Variants in MACROD2 observed in about 807,000 individuals in gnomAD.
MACROD2 encodes the protein mono-ADP ribosylhydrolase 2.
Under a neutral mutation model 70.4 loss-of-function variants are expected in MACROD2, and 36 were observed. The ratio of observed to expected loss-of-function variants is 0.51; its 90% CI spans 0.39 to 0.68. MACROD2 has a LOEUF of 0.68. Among genes scored for constraint, MACROD2 ranks in the 30% least tolerant of loss-of-function variants. The pLI, the probability that MACROD2 is intolerant of heterozygous loss-of-function variation, is 0.00. For missense variants in MACROD2, 496 were observed against 538.4 expected (o/e 0.92, Z 0.78); for synonymous variants, 172 against 178.8 (o/e 0.96, Z 0.30).
chr20:15,869,254 G>GAGAGAGAGAGAC (rs2064545815), intron 9 of MACROD2, among the ~76,000 whole-genome samples: 1 of 126,774 alleles, frequency 7.9e-6, no homozygotes, highest in Admixed American at 7.9e-5. Flanking sequence ...GAGAGAGAGA[G>GAGAGAGAGAGAC]AGAGAGAGAG....
intron 1 of MACROD2, 88 bp from the exon 2 acceptor site, chr20:14,002,200 G>T: frequency 1.3e-6 from 1 of 761,418 alleles, no homozygotes; most frequent in Non-Finnish European, 2.1e-6. Context: ...TCTTTTGTTA[G>T]CTTAACTTGG....
At chr20:15,116,777 T>C (rs774291384) in intron 5 of MACROD2, among the ~76,000 whole-genome samples, 3 of 152,206 alleles carry the variant, frequency 2.0e-5, no homozygotes, top group Admixed American at 6.5e-5. Context: ...ATTGAAAGTT[T>C]ATGTTATCCA....
At chr20:14,848,797 A>G (rs969070243) in intron 5 of MACROD2, among the ~76,000 whole-genome samples, 1 of 152,118 alleles carries the variant, frequency 6.6e-6, no homozygotes, top group African/African-American at 2.4e-5. Flanking sequence ...AGATTATATA[A>G]TCGGATTTTC....
intron 8 of MACROD2, among the ~76,000 whole-genome samples, chr20:15,852,559 C>T (rs115543753): frequency 0.018 from 2,680 of 152,234 alleles, 63 homozygotes; most frequent in African/African-American, 0.043. Flanking sequence ...TGCACAAGTG[C>T]GAACATGGCT....
At chr20:14,192,581 T>C (rs1184146274) in intron 3 of MACROD2, among the ~76,000 whole-genome samples, 2 of 152,158 alleles carry the variant, frequency 1.3e-5, no homozygotes, top group Non-Finnish European at 2.9e-5. Flanking sequence ...TTAGGGACTT[T>C]GGCCATCTTC....
intron 5 of MACROD2, among the ~76,000 whole-genome samples, chr20:14,810,051 C>A (rs548890839): frequency 3.0e-4 from 46 of 152,108 alleles, no homozygotes; most frequent in Non-Finnish European, 5.7e-4. Context: ...CTATTCCAAA[C>A]AATAGAAAAA....
At position 15,679,278 on chromosome 20, in the gene MACROD2, G is replaced by A. The variant is rs532457798; in HGVS notation, c.645+179431G>A. On this transcript the variant is annotated intron_variant, in intron 8 of 17. Coordinates refer to ENST00000684519, the MANE Select transcript of MACROD2 (RefSeq NM_001351661.2). Reference sequence around the variant, plus strand: ...AGAGATGCACAGAATCAGCTCAGACGAACTGGCTTCCACATGCCACTGAGC... The same window carrying A: ...AGAGATGCACAGAATCAGCTCAGACAAACTGGCTTCCACATGCCACTGAGC... Among the ~76,000 whole-genome samples, 173 of 151,112 alleles carry A rather than the reference G, an allele frequency of 1.1e-3. 1 individual carries two copies. Among genetic ancestry groups the A allele is most frequent in the African/African-American group, 3.5e-3 (145 of 41,122 alleles).
At chr20:15,983,980 AT>A (rs1266679163) in intron 13 of MACROD2, among the ~76,000 whole-genome samples, 1 of 152,148 alleles carries the variant, frequency 6.6e-6, no homozygotes, top group African/African-American at 2.4e-5. Context: ...TGTTTCTTGT[AT>A]GATTTTTATA....
intron 12 of MACROD2, among the ~76,000 whole-genome samples, chr20:15,958,638 T>G (rs1369250270): frequency 1.3e-5 from 2 of 151,814 alleles, no homozygotes; most frequent in Non-Finnish European, 1.5e-5. Flanking sequence ...AGTATCCATG[T>G]GCACAAATGC....
rs185820492 is a variant in MACROD2, at chr20:15,014,481, C to T, written c.419-215459C>T. ...ATGAAATGATTAAAAACAAACATCA[C>T]GTGCACTATACGTTGGAGATGCTTT... On this transcript the variant is annotated intron_variant, in intron 5 of 17. Coordinates refer to ENST00000684519, the MANE Select transcript of MACROD2 (RefSeq NM_001351661.2). 4.6e-5 allele frequency among the ~76,000 whole-genome samples: 7 copies of T among 152,246 alleles called. No homozygotes were observed. The East Asian group carries it at 7.7e-4, about 17-fold the overall frequency.
intron 13 of MACROD2, among the ~76,000 whole-genome samples, chr20:15,971,038 C>T (rs2066222759): frequency 6.6e-6 from 1 of 152,052 alleles, no homozygotes; most frequent in East Asian, 1.9e-4. Context: ...ATATCTCATA[C>T]CCAACAAAGT....
intron 10 of MACROD2, among the ~76,000 whole-genome samples, chr20:15,926,935 G>A (rs1346433347): frequency 6.6e-6 from 1 of 152,180 alleles, no homozygotes; most frequent in Non-Finnish European, 1.5e-5. Flanking sequence ...GAGAAGAGGT[G>A]TTGAGAACAA....
At chr20:15,534,736 G>T (rs2047850824) in intron 8 of MACROD2, among the ~76,000 whole-genome samples, 1 of 152,094 alleles carries the variant, frequency 6.6e-6, no homozygotes, top group South Asian at 2.1e-4. Context: ...TGCCAGACCT[G>T]GCTGCAAGGT....
chr20:15,558,477 A>G (rs6110677), intron 8 of MACROD2, among the ~76,000 whole-genome samples: 12,721 of 152,312 alleles, frequency 0.084, 707 homozygotes, highest in East Asian at 0.21. Flanking sequence ...TTTGTCCCAC[A>G]CTGGCCTGCA....
At chr20:15,241,623 A>C (rs1183879517) in intron 6 of MACROD2, among the ~76,000 whole-genome samples, 3 of 152,114 alleles carry the variant, frequency 2.0e-5, no homozygotes, top group Non-Finnish European at 2.9e-5. Context: ...AGTATGGTGA[A>C]TCAATCAGGA....
rs1459244315 is a variant in MACROD2 at position 15,357,709 on chromosome 20, A to G, written c.541-73696A>G. Among the ~76,000 whole-genome samples the G allele has an allele frequency of 2.6e-5, 4 of 152,160 alleles. No individual in the cohort carries two copies. In the East Asian group the frequency reaches 7.7e-4, roughly 29 times the overall value. On this transcript the variant is annotated intron_variant, in intron 6 of 17. Transcript: ENST00000684519. ...TTGGATAAACATAGCAGTAATCCTA[A>G]TAAGCCTAAACACAATATTTTTCTG...
chr20:15,832,986 C>A (rs2064073453), intron 8 of MACROD2, among the ~76,000 whole-genome samples: 1 of 152,176 alleles, frequency 6.6e-6, no homozygotes, highest in South Asian at 2.1e-4. Context: ...TGATAAATAA[C>A]CTGTGGAATA....
chr20:15,800,162 T>G (rs2063711167), intron 8 of MACROD2, among the ~76,000 whole-genome samples: 1 of 152,228 alleles, frequency 6.6e-6, no homozygotes, highest in South Asian at 2.1e-4. Context: ...TGAGTTGTTT[T>G]GAGTTCTTTG....
At chr20:14,821,811 C>A (rs1235773342) in intron 5 of MACROD2, among the ~76,000 whole-genome samples, 1 of 151,948 alleles carries the variant, frequency 6.6e-6, no homozygotes, top group Non-Finnish European at 1.5e-5. Flanking sequence ...CCAAGACCCA[C>A]TCTGGCACTT....
Sources: allele counts gnomAD v4.1 joint callset (sites outside exome capture counted in the v4.1 genomes callset), GRCh38; gene constraint gnomAD v4.1.1; transcripts MANE v1.5; gene names NCBI Gene and HGNC (gene_info 2026-07-23, HGNC 2026-07-21).